The following SHISA9 variants were observed in gnomAD, a reference collection of about 807,000 sequenced individuals.
SHISA9 encodes protein shisa-9.
Under a neutral mutation model 38.0 loss-of-function variants are expected in SHISA9, and 13 were observed. The observed-to-expected ratio is 0.34, with a 90% confidence interval of 0.22 to 0.54. The LOEUF is 0.54. SHISA9 is among the 20% of genes least tolerant of loss of function. The probability of loss-of-function intolerance (pLI) is 0.91; values close to 1 mark genes in which losing one functional copy is unlikely to be tolerated. For missense variants in SHISA9, 538 were observed against 575.8 expected (o/e 0.93, Z 0.67); for synonymous variants, 275 against 242.0 (o/e 1.14, Z -1.27).
chr16:13,389,047 C>T, the SHISA9 span, among the ~76,000 whole-genome samples: 8 of 152,254 alleles, frequency 5.3e-5, no homozygotes, highest in East Asian at 5.8e-4. Context: ...CAGAGCGGCA[C>T]GTCTGCTACA....
chr16:13,322,357 C>T, the SHISA9 span, among the ~76,000 whole-genome samples: 1 of 152,244 alleles, frequency 6.6e-6, no homozygotes, highest in African/African-American at 2.4e-5. Flanking sequence ...AGTAGCCAGA[C>T]ATCTGCATAA....
chr16:13,028,018 A>G (rs1346979675), intron 2 of SHISA9, among the ~76,000 whole-genome samples: 1 of 151,170 alleles, frequency 6.6e-6, no homozygotes, highest in African/African-American at 2.4e-5. Context: ...TTTATATGAG[A>G]TTCTGAAAAG....
intron 2 of SHISA9, among the ~76,000 whole-genome samples, chr16:12,923,981 G>T (rs867757441): frequency 2.2e-4 from 34 of 152,138 alleles, no homozygotes; most frequent in African/African-American, 7.2e-4. Context: ...AGGAGGGGTA[G>T]GGATCAGGAC....
At chr16:13,340,447 G>A in the SHISA9 span, among the ~76,000 whole-genome samples, 3 of 149,808 alleles carry the variant, frequency 2.0e-5, no homozygotes, top group African/African-American at 7.3e-5. Flanking sequence ...CTCCCCTTGA[G>A]GTGAGTCCTC....
chr16:13,253,487 C>G, the SHISA9 span, among the ~76,000 whole-genome samples: 1 of 152,120 alleles, frequency 6.6e-6, no homozygotes, highest in African/African-American at 2.4e-5. Flanking sequence ...TACAGTTCCA[C>G]GTGGCTGGGG....
At chr16:13,216,919 C>A (rs56396226) in intron 4 of SHISA9, among the ~76,000 whole-genome samples, 2,934 of 152,224 alleles carry the variant, frequency 0.019, 48 homozygotes, top group Non-Finnish European at 0.03. Flanking sequence ...CACCCACGCC[C>A]AGCCTTGGAA....
chr16:13,229,539 G>A (rs2051311138), intron 4 of SHISA9, among the ~76,000 whole-genome samples: 1 of 152,164 alleles, frequency 6.6e-6, no homozygotes. Flanking sequence ...TCACCTGAGG[G>A]ACTTAGAAAA....
At chr16:13,039,033 C>G (rs142369005) in intron 2 of SHISA9, among the ~76,000 whole-genome samples, 2 of 152,112 alleles carry the variant, frequency 1.3e-5, no homozygotes, top group African/African-American at 4.8e-5. Context: ...CTCAGCCTCC[C>G]GAGTAGCTAG....
chr16:13,255,060 G>A, the SHISA9 span, among the ~76,000 whole-genome samples: 1 of 152,080 alleles, frequency 6.6e-6, no homozygotes, highest in Admixed American at 6.5e-5. Flanking sequence ...TAACACTGCA[G>A]ACTTGGATAC....
At chr16:13,543,431 A>C in the SHISA9 span, among the ~76,000 whole-genome samples, 2 of 152,314 alleles carry the variant, frequency 1.3e-5, no homozygotes, top group East Asian at 1.9e-4. Context: ...CTATGATGTC[A>C]GTTCATTATG....
At chr16:12,991,618 A>G (rs536258638) in intron 2 of SHISA9, among the ~76,000 whole-genome samples, 2 of 152,362 alleles carry the variant, frequency 1.3e-5, no homozygotes, top group South Asian at 4.1e-4. Flanking sequence ...TTGCTGAATA[A>G]TTACTCAATT....
intron 2 of SHISA9, among the ~76,000 whole-genome samples, chr16:12,968,738 A>G (rs1001346098): frequency 6.6e-6 from 1 of 152,198 alleles, no homozygotes; most frequent in African/African-American, 2.4e-5. Context: ...GCTCAGTAGT[A>G]AATATTTTAG....
the SHISA9 span, among the ~76,000 whole-genome samples, chr16:13,265,442 C>T: frequency 8.3e-6 from 1 of 120,354 alleles, no homozygotes; most frequent in Admixed American, 8.8e-5. Flanking sequence ...CCCTTCCCTT[C>T]TCTTTCTCTC....
intron 2 of SHISA9, among the ~76,000 whole-genome samples, chr16:13,000,609 G>C (rs1413270980): frequency 6.6e-6 from 1 of 152,142 alleles, no homozygotes. Flanking sequence ...CCTGTAGCAG[G>C]AGCATCCACA....
Position 12,902,460 on chromosome 16 carries a change from C to G in SHISA9, c.396C>G (p.Gly132=). 1 of 1,551,438 alleles carries G rather than the reference C, an allele frequency of 6.4e-7. No individual in the cohort carries two copies. The highest frequency in any genetic ancestry group is 8.7e-7 in the Non-Finnish European group (1 of 1,146,984). Residue 132 remains glycine, a synonymous_variant, in exon 1 of 5, where the codon GGC becomes GGG. Coordinates refer to ENST00000558583, the MANE Select transcript of SHISA9 (RefSeq NM_001145204.3). ...NYDTPLWLNT[G]KPPARKDDPL... is the part of the protein sequence containing the mutation. Reference sequence around the variant, plus strand: ...ACACGCCGCTCTGGCTCAACACCGGCAAGCCCCCCGCCCGCAAGGACGACC... The same window carrying G: ...ACACGCCGCTCTGGCTCAACACCGGGAAGCCCCCCGCCCGCAAGGACGACC...
At chr16:13,437,248 T>C in the SHISA9 span, among the ~76,000 whole-genome samples, 2 of 152,154 alleles carry the variant, frequency 1.3e-5, no homozygotes, top group African/African-American at 4.8e-5. Context: ...TTGGTTGCCA[T>C]GGTTACTGTA....
At chr16:13,534,875 C>G in the SHISA9 span, among the ~76,000 whole-genome samples, 1 of 152,264 alleles carries the variant, frequency 6.6e-6, no homozygotes, top group East Asian at 1.9e-4. Context: ...ATGACCACAT[C>G]TATTCTTATT....
the SHISA9 span, among the ~76,000 whole-genome samples, chr16:13,335,486 C>T: frequency 6.6e-5 from 10 of 152,118 alleles, no homozygotes; most frequent in African/African-American, 2.2e-4. Flanking sequence ...AACTTTTCAT[C>T]GGTTGAGAAT....
chr16:13,474,595 G>T, the SHISA9 span, among the ~76,000 whole-genome samples: 1 of 152,150 alleles, frequency 6.6e-6, no homozygotes, highest in African/African-American at 2.4e-5. Flanking sequence ...TTACAGCCTG[G>T]TGAGGGAGAC....
Sources: gnomAD v4.1 joint callset for allele counts (sites outside exome capture counted in the v4.1 genomes callset) on GRCh38, gnomAD v4.1.1 for gene constraint, MANE v1.5 for transcripts, NCBI Gene and HGNC (gene_info 2026-07-23, HGNC 2026-07-21) for gene names.